The following MKI67 variants were observed in gnomAD, a reference collection of about 807,000 sequenced individuals.
The protein encoded by MKI67 is proliferation marker protein Ki-67.
MKI67 carries 152 observed loss-of-function variants against 233.5 expected under a neutral mutation model. That is an observed-to-expected ratio of 0.65 (90% CI 0.57 to 0.74). The LOEUF (loss-of-function observed/expected upper bound fraction) is 0.74. Among genes scored for constraint, MKI67 ranks in the 30% least tolerant of loss-of-function variants. MKI67 has a pLI of 0.00. For missense variants in MKI67, 3,940 were observed against 3,885.2 expected, an observed-to-expected ratio of 1.01 and a Z score of -0.37; for synonymous variants, 1,465 against 1,418.5, an observed-to-expected ratio of 1.03 and a Z score of -0.74.
At position 128,102,835 on chromosome 10, in the gene MKI67, T is replaced by C. The variant is rs1182747941; in HGVS notation, c.9005A>G (p.Lys3002Arg). 1 of 1,614,210 alleles carries C rather than the reference T, an allele frequency of 6.2e-7. No homozygotes were observed. Among genetic ancestry groups the C allele is most frequent in the Non-Finnish European group, 8.5e-7 (1 of 1,180,034 alleles). The change falls in exon 13 of 15, where the codon AAA (lysine) becomes AGA (arginine). Residue 3002 changes from lysine (K) to arginine (R), a missense_variant. Transcript: ENST00000368654. The part of the protein sequence containing the change: ...PPLPFKRGGG[K>R]DGSVTGTKRL... ...CTTGGTTCCCGTGACGCTTCCATCTTTGCCACCTCCCCTCTTGAAGGGCAG... is the reference window on the plus strand; with the variant it reads ...CTTGGTTCCCGTGACGCTTCCATCTCTGCCACCTCCCCTCTTGAAGGGCAG...
Position 128,107,024 on chromosome 10 carries a change from T to A in MKI67, c.4816A>T (p.Thr1606Ser), listed in dbSNP as rs1852517196. The change falls in exon 13 of 15, where the codon ACT becomes TCT. Residue 1606 changes from threonine (T) to serine (S), a missense_variant. Physicochemically the swap from Thr to Ser is moderately conservative, Grantham distance 58 (BLOSUM62 1). Transcript: ENST00000368654. ...GCTACTTTGGCAGTTTTATCGTTAG[T>A]CATTGATTCCTCAGTGTGACCTCGT... ...QTRGHTEESM[T>S]NDKTAKVACK... 1 of 1,614,156 alleles carries A rather than the reference T, an allele frequency of 6.2e-7. No individual in the cohort carries two copies. Among genetic ancestry groups the A allele is most frequent in the Non-Finnish European group, 8.5e-7 (1 of 1,180,038 alleles).
chr10:128,107,134 G>C lies in MKI67; in HGVS notation c.4706C>G (p.Thr1569Ser), dbSNP rs1444111851. Residue 1569 changes from threonine to serine, a missense_variant, in exon 13 of 15, where the codon ACT becomes AGT. By Grantham distance (58) the Thr-to-Ser change is moderately conservative. Transcript: ENST00000368654. ...AGTTTGTAGCCGTCTCTTGCTGCCA[G>C]TTAAGTTCTCTGTCAGGTCCAGTTT... ...VQKLDLTENLTGSKRRLQTPK... is the reference protein window; with the variant it reads ...VQKLDLTENLSGSKRRLQTPK... 1 of 1,613,882 alleles carries C rather than the reference G, an allele frequency of 6.2e-7. No individual in the cohort carries two copies. Among genetic ancestry groups the C allele is most frequent in the East Asian group, 2.2e-5 (1 of 44,846 alleles).
Position 128,103,526 on chromosome 10 carries a change from G to C in MKI67, c.8314C>G (p.Gln2772Glu). 6.2e-7 allele frequency: 1 copy of C among 1,613,396 alleles called. No individual in the cohort carries two copies. The highest frequency in any genetic ancestry group is 8.5e-7 in the Non-Finnish European group (1 of 1,179,818). ...GIKALKESAK[Q>E]TPAPAASVTG... ...ACACTTGCTGCTGGAGCCGGTGTCTGTTTTGCAGATTCCTTCAATGCTTTG... is the reference window on the plus strand; with the variant it reads ...ACACTTGCTGCTGGAGCCGGTGTCTCTTTTGCAGATTCCTTCAATGCTTTG... Residue 2772 changes from glutamine to glutamate, a missense_variant, in exon 13 of 15, where the codon CAG becomes GAG. Transcript: ENST00000368654.
intron 7 of MKI67, among the ~76,000 whole-genome samples, 164 bp downstream of exon 7, chr10:128,114,764 T>A (rs1303365075): frequency 6.6e-6 from 1 of 152,204 alleles, no homozygotes; most frequent in Non-Finnish European, 1.5e-5. Flanking sequence ...CCTTCAGTAT[T>A]CATCTATTAG....
rs1280276139 is a variant in MKI67 at position 128,103,385 on chromosome 10, T to C, written c.8455A>G (p.Lys2819Glu). ...GATTTGCAGGGTATTTTAGTGGTTT[T>C]GTCATCAGTCATTGATTCTTCAGTG... ...GHTEESMTDD[K>E]TTKIPCKSSP... Residue 2819 changes from lysine (K) to glutamate (E), a missense_variant, in exon 13 of 15, where the codon AAA (lysine) becomes GAA (glutamate). Lys to Glu is a moderately conservative substitution (Grantham distance 56). Coordinates refer to ENST00000368654, the MANE Select transcript of MKI67 (RefSeq NM_002417.5). The C allele has an allele frequency of 1.2e-6, 2 of 1,614,090 alleles. No individual in the cohort carries two copies. The highest frequency in any genetic ancestry group is 1.7e-6 in the Non-Finnish European group (2 of 1,180,022).
intron 13 of MKI67, 71 bp downstream of exon 13, chr10:128,102,508 T>C (rs1278820062): frequency 4.5e-6 from 7 of 1,542,970 alleles, no homozygotes; most frequent in Middle Eastern, 1.7e-4. Context: ...TCAGGTTACA[T>C]GCAAAGTATA....
At chr10:128,120,736 G>A (rs1852918568) in intron 4 of MKI67, among the ~76,000 whole-genome samples, 2 of 151,984 alleles carry the variant, frequency 1.3e-5, no homozygotes, top group African/African-American at 4.8e-5. Flanking sequence ...GTCTACAAGA[G>A]ACGCAATTTT....
Position 128,108,048 on chromosome 10 carries a change from G to T in MKI67, c.3792C>A (p.Ser1264Arg). The change falls in exon 13 of 15, where the codon AGC becomes AGA. Residue 1264 changes from serine (S) to arginine (R), a missense_variant. Coordinates refer to ENST00000368654, the MANE Select transcript of MKI67 (RefSeq NM_002417.5). ...PQSDPVDTPT[S>R]TKQRPKRSIR... The stretch of plus-strand genomic sequence containing the variant: ...TACTTCTCTTGGGTCGTTGCTTTGT[G>T]CTTGTTGGGGTGTCCACTGGGTCTG... 1 of 1,613,956 alleles carries T rather than the reference G, an allele frequency of 6.2e-7. No individual in the cohort carries two copies. Among genetic ancestry groups the T allele is most frequent in the South Asian group, 1.1e-5 (1 of 91,076 alleles).
intron 13 of MKI67, 61 bp downstream of exon 13, chr10:128,102,517 TA>T: frequency 6.4e-7 from 1 of 1,564,802 alleles, no homozygotes; most frequent in Non-Finnish European, 8.6e-7. Flanking sequence ...ATGCAAAGTA[TA>T]ACACAGAAAT....
intron 7 of MKI67, 127 bp downstream of exon 7, chr10:128,114,801 T>C: frequency 5.4e-6 from 5 of 932,106 alleles, no homozygotes; most frequent in Non-Finnish European, 8.0e-6. Context: ...GTCTGTCTTA[T>C]CCCTGTGCCT....
intron 7 of MKI67, among the ~76,000 whole-genome samples, chr10:128,114,431 G>A (rs769553494): frequency 6.6e-6 from 1 of 152,146 alleles, no homozygotes; most frequent in Non-Finnish European, 1.5e-5. Flanking sequence ...GTGGCATATG[G>A]ACTCATGGGT....
intron 7 of MKI67, among the ~76,000 whole-genome samples, 157 bp from the exon 8 acceptor site, chr10:128,113,759 C>T (rs758275566): frequency 2.0e-5 from 3 of 152,204 alleles, no homozygotes; most frequent in African/African-American, 7.2e-5. Context: ...TGAAGCTAAG[C>T]TACTAAGAGT....
chr10:128,105,651 T>C lies in MKI67; in HGVS notation c.6189A>G (p.Pro2063=), dbSNP rs61729187. The C allele has an allele frequency of 3.8e-3, 6,205 of 1,613,742 alleles. 221 individuals carry two copies. In the African/African-American group the frequency reaches 0.073, roughly 19 times the overall value. ...ANYGTGMERW[P]RTPKEEAQSL... ...ATTGGGCCTCTTCCTTAGGTGTTCT[T>C]GGCCACCTCTCCATCCCAGTTCCAT... Residue 2063 remains proline, a synonymous_variant, in exon 13 of 15, where the codon CCA becomes CCG. Transcript: ENST00000368654.
At position 128,107,525 on chromosome 10, in the gene MKI67, T is replaced by C. The variant is rs202235859; in HGVS notation, c.4315A>G (p.Lys1439Glu). 6.2e-7 allele frequency: 1 copy of C among 1,614,126 alleles called. No individual in the cohort carries two copies. Among genetic ancestry groups the C allele is most frequent in the South Asian group, 1.1e-5 (1 of 91,088 alleles). ...KSINAFRETAKQKLDPAASVT... is the reference protein window; with the variant it reads ...KSINAFRETAEQKLDPAASVT... ...CTTGCTGCTGGGTCCAGTTTCTGTT[T>C]TGCAGTTTCCCTAAACGCGTTGATG... The change falls in exon 13 of 15, where the codon AAA becomes GAA. Residue 1439 changes from lysine (K) to glutamate (E), a missense_variant. Physicochemically the swap from Lys to Glu is moderately conservative, Grantham distance 56. Coordinates refer to ENST00000368654, the MANE Select transcript of MKI67 (RefSeq NM_002417.5).
chr10:128,107,088 AGC>A lies in MKI67; in HGVS notation c.4750_4751del (p.Ala1584SerfsTer8). On this transcript the variant is annotated frameshift_variant, in exon 13 of 15. Coordinates refer to ENST00000368654, the MANE Select transcript of MKI67 (RefSeq NM_002417.5). LOFTEE classifies it high-confidence loss of function. ...CTTTAAAGCCAGCCAGGTCTTCTAG[AGC>A]CTGGGCCTTTTCCTTAGGAGTTTGT... is the stretch of plus-strand genomic sequence containing the variant. ...RLQTPKEKAQ[A>X]LEDLAGFKEL... is the part of the protein sequence containing the mutation. 1 of 1,608,134 alleles carries A rather than the reference AGC, an allele frequency of 6.2e-7. No homozygotes were observed.
At chr10:128,114,133 T>A (rs1565011220) in intron 7 of MKI67, among the ~76,000 whole-genome samples, 2 of 152,186 alleles carry the variant, frequency 1.3e-5, no homozygotes, top group Non-Finnish European at 2.9e-5. Context: ...GAGACTGATG[T>A]TACAAACCTT....
Position 128,105,745 on chromosome 10 carries a change from GTCTC to G in MKI67, c.6091_6094del (p.Glu2031GlnfsTer42). 2 of 1,614,086 alleles carry G rather than the reference GTCTC, an allele frequency of 1.2e-6. No homozygotes were observed. Among genetic ancestry groups the G allele is most frequent in the Non-Finnish European group, 8.5e-7 (1 of 1,180,024 alleles). ...TTTGATGCTCTTTCCATCTCCTGCT[GTCTC>G]TCTGTGTGTCTGTGTGGTCTTCCCT... On this transcript the variant is annotated frameshift_variant, in exon 13 of 15. Coordinates refer to ENST00000368654, the MANE Select transcript of MKI67 (RefSeq NM_002417.5). LOFTEE classifies it high-confidence loss of function.
In MKI67 at chr10:128,105,305, T is replaced by G. The variant is rs1852456183; in HGVS notation, c.6535A>C (p.Arg2179=). ...DPAASVTGSK[R]QPRTPKGKAQ... ...TTTCCCTTAGGAGTTCTTGGCTGCCTCTTGCTACCAGTTACACTTGCTGCT... is the reference window on the plus strand; with the variant it reads ...TTTCCCTTAGGAGTTCTTGGCTGCCGCTTGCTACCAGTTACACTTGCTGCT... Residue 2179 remains arginine (R), a synonymous_variant, in exon 13 of 15, where the codon AGG becomes CGG. Coordinates refer to ENST00000368654, the MANE Select transcript of MKI67 (RefSeq NM_002417.5). 1 of 1,614,042 alleles carries G rather than the reference T, an allele frequency of 6.2e-7. No individual in the cohort carries two copies. The highest frequency in any genetic ancestry group is 8.5e-7 in the Non-Finnish European group (1 of 1,180,046).
rs1590321870 is a variant in MKI67 at position 128,125,257 on chromosome 10, G to A, written c.92+319C>T. Reference sequence around the variant, plus strand: ...GATGCCCACTGTGGAGGCACCCGGGGGCGCACAGTGTCTTCAGACGCCTGC... The same window carrying A: ...GATGCCCACTGTGGAGGCACCCGGGAGCGCACAGTGTCTTCAGACGCCTGC... On this transcript the variant is annotated intron_variant, in intron 2 of 14. Coordinates refer to ENST00000368654, the MANE Select transcript of MKI67 (RefSeq NM_002417.5). The surrounding 1 kb of genome is among the most constrained non-coding windows in gnomAD (Gnocchi z 5.3). Among the ~76,000 whole-genome samples, 1 of 152,130 alleles carries A rather than the reference G, an allele frequency of 6.6e-6. No individual in the cohort carries two copies. The highest frequency in any genetic ancestry group is 2.4e-5 in the African/African-American group (1 of 41,408).
Sources: allele counts gnomAD v4.1 joint callset (sites outside exome capture counted in the v4.1 genomes callset), GRCh38; gene constraint gnomAD v4.1.1; non-coding constraint Gnocchi (gnomAD v3.1); transcripts MANE v1.5; gene names NCBI Gene and HGNC (gene_info 2026-07-23, HGNC 2026-07-21).